The following JAK1 variants were observed in gnomAD, a reference collection of about 807,000 sequenced individuals.
The protein encoded by JAK1 is tyrosine-protein kinase JAK1.
A neutral mutation model predicts 136.6 loss-of-function variants in JAK1; 16 were observed. The ratio of observed to expected loss-of-function variants is 0.12; its 90% CI spans 0.08 to 0.18. JAK1 has a LOEUF of 0.18. Among genes scored for constraint, JAK1 ranks in the 10% least tolerant of loss-of-function variants. The pLI is 1.00. For missense variants in JAK1, 859 were observed against 1,450.1 expected, an observed-to-expected ratio of 0.59 and a Z score of 6.62; for synonymous variants, 492 against 519.5, an observed-to-expected ratio of 0.95 and a Z score of 0.72.
chr1:65,040,581 A>G (rs1448411338), intron 2 of JAK1, among the ~76,000 whole-genome samples: 1 of 152,024 alleles, frequency 6.6e-6, no homozygotes. Flanking sequence ...CAGAATGTGG[A>G]CCTTTATTCT....
chr1:65,058,202 T>C (rs1220852487), intron 1 of JAK1, among the ~76,000 whole-genome samples: 1 of 152,128 alleles, frequency 6.6e-6, no homozygotes, highest in Non-Finnish European at 1.5e-5. Flanking sequence ...TCCTAAAGGT[T>C]CCAAAGATCT....
chr1:64,863,805 C>T (rs1437694453), intron 8 of JAK1, among the ~76,000 whole-genome samples: 1 of 152,080 alleles, frequency 6.6e-6, no homozygotes, highest in East Asian at 1.9e-4. Context: ...TTCCTATTCT[C>T]CTATTATTGT....
chr1:64,884,307 A>C (rs1250464040), intron 2 of JAK1, among the ~76,000 whole-genome samples: 1 of 152,050 alleles, frequency 6.6e-6, no homozygotes, highest in Non-Finnish European at 1.5e-5. Context: ...AATGAGGGAA[A>C]GCCCTACACA....
intron 1 of JAK1, among the ~76,000 whole-genome samples, chr1:65,062,158 A>G (rs1468684240): frequency 1.3e-5 from 2 of 152,172 alleles, no homozygotes; most frequent in African/African-American, 2.4e-5. Flanking sequence ...TAAATACATG[A>G]CTGGCCCATA....
chr1:64,927,238 T>C (rs1248780681), intron 1 of JAK1, among the ~76,000 whole-genome samples: 3 of 152,170 alleles, frequency 2.0e-5, no homozygotes, highest in African/African-American at 4.8e-5. Flanking sequence ...CCAGGTCCTA[T>C]TCATTTTAGC....
intron 1 of JAK1, among the ~76,000 whole-genome samples, chr1:64,904,492 T>C (rs745500922): frequency 6.6e-6 from 1 of 152,162 alleles, no homozygotes; most frequent in Non-Finnish European, 1.5e-5. Flanking sequence ...AAGCCTTTCA[T>C]AGTTAATAAA....
chr1:64,853,009 G>T (rs1655699100), intron 11 of JAK1, among the ~76,000 whole-genome samples: 1 of 152,162 alleles, frequency 6.6e-6, no homozygotes, highest in Non-Finnish European at 1.5e-5. Flanking sequence ...CACTCTGAAT[G>T]GCCTCCTGCT....
intron 4 of JAK1, among the ~76,000 whole-genome samples, chr1:64,878,734 A>C (rs1002263862): frequency 6.6e-6 from 1 of 151,952 alleles, no homozygotes; most frequent in African/African-American, 2.4e-5. Flanking sequence ...TAAATTCATA[A>C]CTATGATTAC....
intron 2 of JAK1, among the ~76,000 whole-genome samples, chr1:64,996,126 A>G (rs1262729092): frequency 6.6e-6 from 1 of 152,178 alleles, no homozygotes; most frequent in Non-Finnish European, 1.5e-5. Flanking sequence ...ATGCTTGGTT[A>G]AAATTTTCCC....
intron 8 of JAK1, among the ~76,000 whole-genome samples, chr1:64,863,957 T>A (rs1342751103): frequency 6.6e-6 from 1 of 152,212 alleles, no homozygotes; most frequent in Non-Finnish European, 1.5e-5. Context: ...GATATATAAA[T>A]ATTTTCAAGG....
intron 2 of JAK1, among the ~76,000 whole-genome samples, chr1:65,034,451 C>T (rs1647052211): frequency 6.6e-6 from 1 of 152,184 alleles, no homozygotes; most frequent in Admixed American, 6.5e-5. Flanking sequence ...AAGGAAATGA[C>T]TCTGAGTGCC....
chr1:64,987,976 G>T (rs1362982599), intron 2 of JAK1, among the ~76,000 whole-genome samples: 1 of 152,146 alleles, frequency 6.6e-6, no homozygotes, highest in African/African-American at 2.4e-5. Context: ...CAAAGCAATT[G>T]AAGATGATAA....
chr1:65,048,163 G>A (rs1647206108), intron 1 of JAK1, among the ~76,000 whole-genome samples: 1 of 151,404 alleles, frequency 6.6e-6, no homozygotes, highest in African/African-American at 2.4e-5. Context: ...AGCCTCATTT[G>A]TCAAGGATGC....
At chr1:64,868,099 T>C (rs1656822784) in intron 6 of JAK1, among the ~76,000 whole-genome samples, 1 of 152,160 alleles carries the variant, frequency 6.6e-6, no homozygotes, top group African/African-American at 2.4e-5. Flanking sequence ...CATGTGAATA[T>C]GAATCAGATA....
Position 64,913,675 on chromosome 1 carries a change from G to GGAAA in JAK1, c.-77-27335_-77-27334insTTTC, listed in dbSNP as rs1491309295. ...AGGAAAGAAGGAAGGAAGGAAGGAA[G>GGAAA]GAAGGAAGGAAGGAAGGAAGGAAGG... On this transcript the variant is annotated intron_variant, in intron 1 of 24. Coordinates refer to ENST00000342505, the MANE Select transcript of JAK1 (RefSeq NM_002227.4). 8.7e-3 allele frequency among the ~76,000 whole-genome samples: 232 copies of GGAAA among 26,760 alleles called. 6 individuals are homozygous for GGAAA. The highest frequency in any genetic ancestry group is 0.022 in the African/African-American group (215 of 9,598). 17.6% of individuals were successfully genotyped at this position (26,760 alleles called of 152,430 possible). A position where few individuals can be genotyped will look rare whatever the true frequency, so the allele number is the denominator to read the frequency against.
intron 6 of JAK1, among the ~76,000 whole-genome samples, chr1:64,868,112 T>C (rs1162444933): frequency 6.6e-6 from 1 of 152,180 alleles, no homozygotes; most frequent in Non-Finnish European, 1.5e-5. Context: ...ATCAGATATA[T>C]TATTTAAAAG....
At position 64,838,596 on chromosome 1, in the gene JAK1, AG is replaced by A. The variant is rs774060983; in HGVS notation, c.2843-8del. 13 of 1,613,006 alleles carry A rather than the reference AG, an allele frequency of 8.1e-6. No individual in the cohort carries two copies. In the East Asian group the frequency reaches 1.8e-4, roughly 22 times the overall value. On this transcript the variant is annotated splice_region_variant and splice_polypyrimidine_tract_variant and intron_variant, in intron 20 of 24. Transcript: ENST00000342505. The stretch of plus-strand genomic sequence containing the variant: ...AGCTTAATACCATTTCCTCCTGTTT[AG>A]AAAAAACATCCATCAGTCTGAGGCT...
At chr1:65,061,869 T>C (rs908559530) in intron 1 of JAK1, among the ~76,000 whole-genome samples, 10 of 152,140 alleles carry the variant, frequency 6.6e-5, no homozygotes, top group African/African-American at 2.4e-4. Flanking sequence ...GAAAAAGAAA[T>C]AGGCAGAAAG....
At chr1:65,021,873 A>G (rs79292473) in intron 2 of JAK1, among the ~76,000 whole-genome samples, 1,621 of 152,292 alleles carry the variant, frequency 0.011, 34 homozygotes, top group African/African-American at 0.037. Flanking sequence ...CATAGTTAGT[A>G]CAACAATGGA....
Sources: allele counts gnomAD v4.1 joint callset (sites outside exome capture counted in the v4.1 genomes callset), GRCh38; gene constraint gnomAD v4.1.1; transcripts MANE v1.5; gene names NCBI Gene and HGNC (gene_info 2026-07-23, HGNC 2026-07-21).